Variants in ZNF385D observed in about 807,000 individuals in gnomAD.
ZNF385D encodes the protein zinc finger protein 659.
In ZNF385D, 15 loss-of-function variants were observed where a neutral mutation model predicts 35.8. That is an observed-to-expected ratio of 0.42 (90% CI 0.28 to 0.64). The LOEUF (loss-of-function observed/expected upper bound fraction) is 0.64. ZNF385D is among the 30% of genes least tolerant of loss of function. The pLI is 0.23. For synonymous variants in ZNF385D, 212 were observed against 186.8 expected (o/e 1.13, Z -1.10); for missense variants, 474 against 494.6 (o/e 0.96, Z 0.39).
chr3:21,767,957 T>C (rs981708342), intron 3 of ZNF385D, among the ~76,000 whole-genome samples: 5 of 152,098 alleles, frequency 3.3e-5, no homozygotes, highest in African/African-American at 1.2e-4. Context: ...ATTAAAAGAA[T>C]TATCTTATTT....
intron 3 of ZNF385D, among the ~76,000 whole-genome samples, chr3:21,995,225 G>A (rs769488248): frequency 2.0e-4 from 30 of 152,156 alleles, no homozygotes; most frequent in Non-Finnish European, 3.7e-4. Flanking sequence ...ATGTGGTAGG[G>A]GCCAATGGTA....
chr3:22,083,309 C>A (rs1342386636), intron 3 of ZNF385D, among the ~76,000 whole-genome samples: 1 of 152,114 alleles, frequency 6.6e-6, no homozygotes, highest in African/African-American at 2.4e-5. Flanking sequence ...ATGTTCGAAC[C>A]CATCGCAAGG....
intron 4 of ZNF385D, among the ~76,000 whole-genome samples, chr3:21,441,904 G>A (rs892711967): frequency 1.3e-5 from 2 of 152,126 alleles, no homozygotes; most frequent in African/African-American, 4.8e-5. Context: ...AAAGATTTGA[G>A]ATGGTTTGGG....
intron 1 of ZNF385D, among the ~76,000 whole-genome samples, chr3:21,733,286 A>G (rs2069099677): frequency 6.6e-6 from 1 of 152,172 alleles, no homozygotes; most frequent in South Asian, 2.1e-4. Context: ...TGATTATTGT[A>G]GCTTTATAGT....
chr3:22,131,978 T>C (rs1576373366), intron 3 of ZNF385D, among the ~76,000 whole-genome samples: 1 of 152,168 alleles, frequency 6.6e-6, no homozygotes, highest in Admixed American at 6.6e-5. Context: ...ATTAAGTATG[T>C]TCACCTGTAG....
chr3:21,660,220 A>G (rs1320292), intron 2 of ZNF385D, among the ~76,000 whole-genome samples: 113,230 of 151,976 alleles, frequency 0.75, 42,514 homozygotes, highest in Admixed American at 0.78. Context: ...GTAAAATTTC[A>G]TATGCTAATT....
chr3:22,073,529 C>A (rs1040229988), intron 3 of ZNF385D, among the ~76,000 whole-genome samples: 1 of 151,740 alleles, frequency 6.6e-6, no homozygotes, highest in Non-Finnish European at 1.5e-5. Context: ...ACACAACAAC[C>A]TTTCTAGGGT....
intron 2 of ZNF385D, among the ~76,000 whole-genome samples, chr3:21,581,319 AATTGTTTCC>A (rs1417419146): frequency 6.6e-6 from 1 of 152,106 alleles, no homozygotes; most frequent in East Asian, 1.9e-4. Context: ...CTCCAAATGC[AATTGTTTCC>A]AGCAAGACTT....
chr3:22,271,515 C>T (rs936839402), intron 2 of ZNF385D, among the ~76,000 whole-genome samples: 1 of 151,868 alleles, frequency 6.6e-6, no homozygotes, highest in African/African-American at 2.4e-5. Context: ...CTTACCAAGT[C>T]CCCATTTAAT....
chr3:22,232,531 C>T (rs989040592), intron 2 of ZNF385D, among the ~76,000 whole-genome samples: 2 of 152,078 alleles, frequency 1.3e-5, no homozygotes, highest in Non-Finnish European at 2.9e-5. Flanking sequence ...TAATGCTATC[C>T]CTCCTCTAGC....
intron 3 of ZNF385D, among the ~76,000 whole-genome samples, chr3:21,922,284 A>G (rs372191113): frequency 6.6e-6 from 1 of 151,856 alleles, no homozygotes; most frequent in Admixed American, 6.6e-5. Flanking sequence ...TAGAAAAAAA[A>G]TTTTATAAAA....
chr3:21,780,781 T>C (rs2071459855), intron 3 of ZNF385D, among the ~76,000 whole-genome samples: 1 of 152,042 alleles, frequency 6.6e-6, no homozygotes, highest in Admixed American at 6.6e-5. Context: ...GGAATACTTC[T>C]CCATCAGTTG....
chr3:21,718,621 A>T (rs2125441145), intron 1 of ZNF385D, among the ~76,000 whole-genome samples: 1 of 152,370 alleles, frequency 6.6e-6, no homozygotes, highest in Non-Finnish European at 1.5e-5. Flanking sequence ...ATTAAATAAT[A>T]ACTAAATAGC....
intron 3 of ZNF385D, among the ~76,000 whole-genome samples, chr3:22,070,548 G>A (rs1700180828): frequency 1.3e-5 from 2 of 151,952 alleles, no homozygotes. Context: ...TCCCATCCTA[G>A]GACACACTGT....
chr3:22,138,204 G>A (rs1161716220), intron 3 of ZNF385D, among the ~76,000 whole-genome samples: 6 of 152,184 alleles, frequency 3.9e-5, no homozygotes, highest in South Asian at 2.1e-4. Context: ...ATGCTCATGG[G>A]TAGGAAGAAT....
rs1032150935 is a variant in ZNF385D, at chr3:21,421,751, G to A, written c.955-304C>T. Among the ~76,000 whole-genome samples, 10 of 152,114 alleles carry A rather than the reference G, an allele frequency of 6.6e-5. 1 individual carries two copies. Among genetic ancestry groups the A allele is most frequent in the Admixed American group, 5.9e-4 (9 of 15,272 alleles). On this transcript the variant is annotated intron_variant, in intron 7 of 7. Coordinates refer to ENST00000281523, the MANE Select transcript of ZNF385D (RefSeq NM_024697.3). Reference sequence around the variant, plus strand: ...TTCCAGAGGAAAGTATTCATCATGAGAAAATATAGAATATTTTTATCACCC... The same window carrying A: ...TTCCAGAGGAAAGTATTCATCATGAAAAAATATAGAATATTTTTATCACCC...
rs1465063907 is a variant in ZNF385D at position 21,989,127 on chromosome 3, G to T, written c.325+179690C>A. On this transcript the variant is annotated intron_variant, in intron 3 of 5. Coordinates refer to the ZNF385D transcript ENST00000494108. Reference sequence around the variant, plus strand: ...ATCACCCGTCTTCTGCGTCGCTCACGCTGGGAGCTGTAGACCGGAGCTGTT... The same window carrying T: ...ATCACCCGTCTTCTGCGTCGCTCACTCTGGGAGCTGTAGACCGGAGCTGTT... 5.3e-5 allele frequency among the ~76,000 whole-genome samples: 8 copies of T among 152,100 alleles called. No individual in the cohort carries two copies. In the East Asian group the frequency reaches 1.2e-3, roughly 22 times the overall value.
In ZNF385D at chr3:21,677,135, A is replaced by G. The variant is rs372063331; in HGVS notation, c.23-12107T>C. On this transcript the variant is annotated intron_variant, in intron 1 of 7. Coordinates refer to ENST00000281523, the MANE Select transcript of ZNF385D (RefSeq NM_024697.3). ...AAGGATTAAAGCTAAACTAACATGA[A>G]AGGGACGCAAATAATCAGTGGGACT... Among the ~76,000 whole-genome samples, 10 of 152,168 alleles carry G rather than the reference A, an allele frequency of 6.6e-5. No homozygotes were observed. In the East Asian group the frequency reaches 1.4e-3, roughly 21 times the overall value.
intron 1 of ZNF385D, among the ~76,000 whole-genome samples, chr3:21,699,795 A>ATTTG (rs1184405412): frequency 8.0e-6 from 1 of 124,630 alleles, no homozygotes; most frequent in Non-Finnish European, 1.7e-5. Context: ...TGTGACTTGC[A>ATTTG]TTTGTGGTTC....
Sources: gnomAD v4.1 joint callset for allele counts (sites outside exome capture counted in the v4.1 genomes callset) on GRCh38, gnomAD v4.1.1 for gene constraint, MANE v1.5 for transcripts, NCBI Gene and HGNC (gene_info 2026-07-23, HGNC 2026-07-21) for gene names.